WFDC11: variants seen among roughly 807,000 people sequenced by gnomAD.
WFDC11 encodes protein WFDC11.
WFDC11 carries 9 observed loss-of-function variants against 9.9 expected under a neutral mutation model. The observed-to-expected ratio is 0.91, with a 90% CI of 0.55 to 1.58. WFDC11 has a LOEUF of 1.58. WFDC11 is among the 40% of genes most tolerant of loss of function. The pLI, the probability that WFDC11 is intolerant of heterozygous loss-of-function variation, is 0.00. For missense variants in WFDC11, 106 were observed against 101.7 expected (o/e 1.04, Z -0.18); for synonymous variants, 32 against 33.3 (o/e 0.96, Z 0.13).
intron 2 of WFDC11, among the ~76,000 whole-genome samples, chr20:45,652,485 A>T (rs1260900442): frequency 6.6e-6 from 1 of 152,226 alleles, no homozygotes; most frequent in Non-Finnish European, 1.5e-5. Flanking sequence ...GATGGGGGAA[A>T]AACAGAGCAG....
At chr20:45,651,175 G>A (rs1982797144) in intron 2 of WFDC11, among the ~76,000 whole-genome samples, 1 of 152,130 alleles carries the variant, frequency 6.6e-6, no homozygotes, top group African/African-American at 2.4e-5. Context: ...TATTTGGTTT[G>A]AACAAAATTC....
chr20:45,660,291 C>G (rs1983027850), intron 2 of WFDC11, among the ~76,000 whole-genome samples: 1 of 152,060 alleles, frequency 6.6e-6, no homozygotes, highest in Non-Finnish European at 1.5e-5. Context: ...CATTCAGGAA[C>G]AGGTTATTTA....
chr20:45,655,882 T>G (rs562600297), intron 2 of WFDC11, among the ~76,000 whole-genome samples: 5 of 152,228 alleles, frequency 3.3e-5, no homozygotes, highest in African/African-American at 1.2e-4. Context: ...ACAATGGACA[T>G]GAAGGACCTC....
intron 3 of WFDC11, 104 bp from the exon 4 acceptor site, chr20:45,649,503 C>T: frequency 1.4e-6 from 2 of 1,396,658 alleles, no homozygotes; most frequent in Admixed American, 4.3e-5. Flanking sequence ...ATCTGGGCCC[C>T]AAATTCCAAC....
intron 2 of WFDC11, among the ~76,000 whole-genome samples, chr20:45,653,520 C>A (rs1982856372): frequency 6.6e-6 from 1 of 151,896 alleles, no homozygotes; most frequent in Admixed American, 6.6e-5. Flanking sequence ...GAAACTGCAT[C>A]AACTAACAAG....
At chr20:45,658,530 TG>T (rs1363506242) in intron 2 of WFDC11, among the ~76,000 whole-genome samples, 1 of 152,188 alleles carries the variant, frequency 6.6e-6, no homozygotes, top group Non-Finnish European at 1.5e-5. Flanking sequence ...TTTGTATATC[TG>T]TGGTGTCAGT....
rs75713960 is a variant in WFDC11 at position 45,649,206 on chromosome 20, G to A, written c.243+51C>T. 1.8e-3 allele frequency: 2,814 copies of A among 1,599,916 alleles called. 54 individuals carry two copies. The African/African-American group carries it at 0.033, about 19-fold the overall frequency. ...TTTAGGAATAACAGCCTCCGAGAAG[G>A]GAATGAGAATCAGTGAAGATATACA... is the stretch of plus-strand genomic sequence containing the variant. On this transcript the variant is annotated intron_variant, in intron 4 of 4. Transcript: ENST00000324384.
intron 2 of WFDC11, among the ~76,000 whole-genome samples, chr20:45,661,557 C>T (rs1342728069): frequency 6.6e-6 from 1 of 152,106 alleles, no homozygotes; most frequent in African/African-American, 2.4e-5. Flanking sequence ...TTAGGTATAA[C>T]GTTTAAGTCT....
intron 2 of WFDC11, among the ~76,000 whole-genome samples, chr20:45,661,617 G>A (rs937791555): frequency 6.6e-6 from 1 of 152,174 alleles, no homozygotes; most frequent in Non-Finnish European, 1.5e-5. Flanking sequence ...AAGGGATCCA[G>A]TTTCAGCTTT....
intron 2 of WFDC11, among the ~76,000 whole-genome samples, chr20:45,658,267 T>G (rs1012587190): frequency 6.6e-6 from 1 of 152,182 alleles, no homozygotes; most frequent in African/African-American, 2.4e-5. Flanking sequence ...TTTTTAAGTT[T>G]GCAATACAGT....
intron 3 of WFDC11, 103 bp from the exon 4 acceptor site, chr20:45,649,502 C>G: frequency 7.0e-7 from 1 of 1,420,756 alleles, no homozygotes; most frequent in Non-Finnish European, 9.5e-7. Context: ...AATCTGGGCC[C>G]CAAATTCCAA....
At chr20:45,652,826 G>T (rs535271896) in intron 2 of WFDC11, among the ~76,000 whole-genome samples, 1 of 152,122 alleles carries the variant, frequency 6.6e-6, no homozygotes, top group Admixed American at 6.6e-5. Flanking sequence ...GGAAGAAAGG[G>T]TATCAGTGAT....
Position 45,650,597 on chromosome 20 carries a change from C to A in WFDC11, c.4G>T (p.Val2Phe), listed in dbSNP as rs949131942. 1.9e-6 allele frequency: 3 copies of A among 1,613,270 alleles called. No homozygotes were observed. Among genetic ancestry groups the A allele is most frequent in the Admixed American group, 3.3e-5 (2 of 59,998 alleles). M[V>F]SLMKLWIPML... is the part of the protein sequence containing the mutation. ...GGTATCCAGAGCTTCATGAGGCTGACCATATGTGTCTGAATATGTGTTGTC... is the reference window on the plus strand; with the variant it reads ...GGTATCCAGAGCTTCATGAGGCTGAACATATGTGTCTGAATATGTGTTGTC... Residue 2 changes from valine (V) to phenylalanine (F), a missense_variant, in exon 3 of 5, where the codon GTC becomes TTC. Physicochemically the swap from Val to Phe is conservative, Grantham distance 50 (BLOSUM62 -1). Transcript: ENST00000324384.
rs754524617 is a variant in WFDC11, at chr20:45,649,265, T to C, written c.235A>G (p.Ile79Val). The C allele has an allele frequency of 5.6e-6, 9 of 1,613,960 alleles. No individual in the cohort carries two copies. The highest frequency in any genetic ancestry group is 1.6e-4 in the Middle Eastern group (1 of 6,084). Residue 79 changes from isoleucine to valine, a missense_variant, in exon 4 of 5, where the codon ATA (isoleucine) becomes GTA (valine). Transcript: ENST00000324384. ...CWTYCGNICWINVETSGDY is the reference protein window; with the variant it reads ...CWTYCGNICWVNVETSGDY ...AACATCTCCCAACTCACGACGTTTA[T>C]CCAGCAGATGTTTCCACAATAGGTC...
At chr20:45,655,259 G>A (rs528052257) in intron 2 of WFDC11, among the ~76,000 whole-genome samples, 6 of 152,268 alleles carry the variant, frequency 3.9e-5, no homozygotes, top group Non-Finnish European at 7.4e-5. Context: ...TCATCCCTGG[G>A]ATGCAAGGCT....
intron 2 of WFDC11, among the ~76,000 whole-genome samples, chr20:45,655,745 C>G (rs1044333347): frequency 6.6e-6 from 1 of 152,136 alleles, no homozygotes; most frequent in Non-Finnish European, 1.5e-5. Flanking sequence ...TTTCAGAATA[C>G]AAAATCAGTA....
intron 2 of WFDC11, among the ~76,000 whole-genome samples, chr20:45,657,018 A>C (rs1202534091): frequency 6.6e-6 from 1 of 152,208 alleles, no homozygotes; most frequent in Non-Finnish European, 1.5e-5. Context: ...TGTGGAAGTC[A>C]GTGTGGAGAT....
intron 2 of WFDC11, among the ~76,000 whole-genome samples, chr20:45,663,008 T>C (rs1983104890): frequency 1.3e-5 from 2 of 152,168 alleles, no homozygotes; most frequent in African/African-American, 4.8e-5. Flanking sequence ...CCAGCTCCTC[T>C]TTGTACCTCT....
chr20:45,664,592 G>C (rs1983147544), intron 2 of WFDC11, among the ~76,000 whole-genome samples: 1 of 151,672 alleles, frequency 6.6e-6, no homozygotes, highest in Non-Finnish European at 1.5e-5. Flanking sequence ...CTTCCTTCAG[G>C]GCCCTTGTAA....
Sources: allele counts gnomAD v4.1 joint callset (sites outside exome capture counted in the v4.1 genomes callset), GRCh38; gene constraint gnomAD v4.1.1; transcripts MANE v1.5; gene names NCBI Gene and HGNC (gene_info 2026-07-23, HGNC 2026-07-21).